The following AGMO variants were observed in gnomAD, a reference collection of about 807,000 sequenced individuals.
AGMO encodes the protein glyceryl-ether monooxygenase.
Under a neutral mutation model 60.2 loss-of-function variants are expected in AGMO, and 75 were observed. That is an observed-to-expected ratio of 1.25 (90% CI 1.03 to 1.51). AGMO has a LOEUF of 1.51. AGMO is among the 40% of genes most tolerant of loss of function. The probability of loss-of-function intolerance (pLI) is 0.00; values close to 1 mark genes in which losing one functional copy is unlikely to be tolerated. For missense variants in AGMO, 763 were observed against 525.5 expected (o/e 1.45, Z -4.42); for synonymous variants, 261 against 177.1 (o/e 1.47, Z -3.76).
intron 3 of AGMO, among the ~76,000 whole-genome samples, chr7:15,432,345 TAC>T (rs1554271564): frequency 3.8e-5 from 5 of 130,160 alleles, no homozygotes; most frequent in African/African-American, 1.4e-4. Context: ...TATATATATA[TAC>T]ATACATATAT....
chr7:15,195,040 G>A, the AGMO span, among the ~76,000 whole-genome samples: 5 of 152,094 alleles, frequency 3.3e-5, no homozygotes, highest in African/African-American at 1.2e-4. Context: ...CATTATGTAT[G>A]GACATCTTTT....
chr7:15,278,008 T>C (rs1783848452), intron 12 of AGMO, among the ~76,000 whole-genome samples: 1 of 152,050 alleles, frequency 6.6e-6, no homozygotes, highest in Non-Finnish European at 1.5e-5. Context: ...TAGACAGAAA[T>C]GAGATCTGTT....
the AGMO span, among the ~76,000 whole-genome samples, chr7:15,149,315 G>C: frequency 6.6e-6 from 1 of 152,030 alleles, no homozygotes; most frequent in African/African-American, 2.4e-5. Context: ...AAGTTCTTTA[G>C]TGTAATTAGG....
chr7:15,221,097 T>A (rs113550791), intron 12 of AGMO, among the ~76,000 whole-genome samples: 1 of 152,288 alleles, frequency 6.6e-6, no homozygotes, highest in African/African-American at 2.4e-5. Flanking sequence ...TGTAAATATT[T>A]TCTGTTGTTG....
intron 4 of AGMO, among the ~76,000 whole-genome samples, chr7:15,422,057 T>C (rs1780941487): frequency 6.6e-6 from 1 of 151,350 alleles, no homozygotes; most frequent in Non-Finnish European, 1.5e-5. Context: ...TGAAAAAAAA[T>C]AAGTGAGATG....
At chr7:15,145,021 G>A in the AGMO span, among the ~76,000 whole-genome samples, 1 of 152,124 alleles carries the variant, frequency 6.6e-6, no homozygotes, top group African/African-American at 2.4e-5. Context: ...GTAGGGACGG[G>A]GTTTCACCGT....
chr7:15,129,476 G>T, the AGMO span, among the ~76,000 whole-genome samples: 121 of 152,150 alleles, frequency 8.0e-4, no homozygotes, highest in African/African-American at 2.8e-3. Context: ...ATAAGGAAAG[G>T]CAACTCATTC....
Position 15,544,802 on chromosome 7 carries a change from C to A in AGMO, c.379G>T (p.Gly127Cys). Residue 127 changes from glycine (G) to cysteine (C), a missense_variant, in exon 3 of 13, where the codon GGC (glycine) becomes TGC (cysteine). Transcript: ENST00000342526. ...GCCATACGATGGAACCAGTAGTAGC[C>A]AAAGTCAACTCCTAAGAAGGCTGAA... ...WYSAFLGVDF[G>C]YYWFHRMAHE... 1 of 1,606,084 alleles carries A rather than the reference C, an allele frequency of 6.2e-7. No homozygotes were observed. Among genetic ancestry groups the A allele is most frequent in the African/African-American group, 1.3e-5 (1 of 74,724 alleles).
chr7:15,544,704 C>G, intron 3 of AGMO, 68 bp downstream of exon 3: 1 of 1,191,358 alleles, frequency 8.4e-7, no homozygotes, highest in East Asian at 2.8e-5. Context: ...TAAATGTTTA[C>G]TGAATATGTA....
intron 5 of AGMO, among the ~76,000 whole-genome samples, chr7:15,405,555 T>C (rs1341356807): frequency 6.6e-6 from 1 of 151,964 alleles, no homozygotes; most frequent in African/African-American, 2.4e-5. Context: ...CTACCCTTGC[T>C]TCAATTCTAG....
chr7:15,186,029 G>A, the AGMO span, among the ~76,000 whole-genome samples: 4 of 152,108 alleles, frequency 2.6e-5, no homozygotes, highest in Admixed American at 6.5e-5. Context: ...AAAACAAATC[G>A]ACCCACAAAG....
rs1331205608 is a variant in AGMO at position 15,281,021 on chromosome 7, G to A, written c.1264-79662C>T. On this transcript the variant is annotated intron_variant, in intron 12 of 12. Transcript: ENST00000342526. ...CACCACTGGGTGGCTAGACTCAGAG[G>A]AGCAGCAGCATTTACAGTAGTCTGG... Among the ~76,000 whole-genome samples, 3 of 152,268 alleles carry A rather than the reference G, an allele frequency of 2.0e-5. No homozygotes were observed. In the East Asian group the frequency reaches 5.8e-4, roughly 29 times the overall value.
chr7:15,365,379 G>GGAAAAAAAAAAAAAAAAA (rs1782929826), intron 12 of AGMO, 135 bp downstream of exon 12: 1 of 217,794 alleles, frequency 4.6e-6, no homozygotes, highest in Non-Finnish European at 7.4e-6. Context: ...GTACTGGTAA[G>GGAAAAAAAAAAAAAAAAA]TAAAAAAAAA....
At chr7:15,346,873 A>T (rs1214151831) in intron 12 of AGMO, among the ~76,000 whole-genome samples, 1 of 151,904 alleles carries the variant, frequency 6.6e-6, no homozygotes, top group African/African-American at 2.4e-5. Flanking sequence ...TATTTTGTAT[A>T]TCTAAATTTA....
At chr7:15,354,287 GAGAT>G (rs1215314453) in intron 12 of AGMO, among the ~76,000 whole-genome samples, 3 of 109,114 alleles carry the variant, frequency 2.7e-5, no homozygotes, top group African/African-American at 1.2e-4. Context: ...TATCACGAAT[GAGAT>G]AAATATATAT....
chr7:15,211,389 A>C (rs11984306), intron 12 of AGMO, among the ~76,000 whole-genome samples: 1 of 151,898 alleles, frequency 6.6e-6, no homozygotes, highest in Non-Finnish European at 1.5e-5. Context: ...GTTGGTGGTC[A>C]TAAGTTAAAA....
chr7:15,181,046 G>C, the AGMO span, among the ~76,000 whole-genome samples: 37 of 152,046 alleles, frequency 2.4e-4, no homozygotes, highest in South Asian at 1.0e-3. Context: ...CTCAATAATA[G>C]CATTAATCTA....
intron 12 of AGMO, among the ~76,000 whole-genome samples, chr7:15,260,875 C>T (rs1274575056): frequency 1.3e-5 from 2 of 151,750 alleles, no homozygotes; most frequent in African/African-American, 2.4e-5. Context: ...CTCAAAACCA[C>T]GCAAATACAT....
chr7:15,247,451 C>CAGAG (rs1368429253), intron 12 of AGMO, among the ~76,000 whole-genome samples: 4,814 of 118,596 alleles, frequency 0.041, 89 homozygotes, highest in Middle Eastern at 0.059. Context: ...CACACACACA[C>CAGAG]ACACACACAG....
Sources: allele counts gnomAD v4.1 joint callset (sites outside exome capture counted in the v4.1 genomes callset), GRCh38; gene constraint gnomAD v4.1.1; transcripts MANE v1.5; gene names NCBI Gene and HGNC (gene_info 2026-07-23, HGNC 2026-07-21).